GPM6B: variants seen among roughly 807,000 people sequenced by gnomAD.
The protein encoded by GPM6B is neuronal membrane glycoprotein M6-b.
Under a neutral mutation model 27.2 loss-of-function variants are expected in GPM6B, and 4 were observed. The ratio of observed to expected loss-of-function variants is 0.15; its 90% CI spans 0.07 to 0.34. GPM6B has a LOEUF of 0.34. Ranked by LOEUF, GPM6B falls within the 10% of genes least tolerant of loss-of-function variation. The pLI is 1.00. For missense variants in GPM6B, 183 were observed against 261.9 expected, an observed-to-expected ratio of 0.70 and a Z score of 2.08; for synonymous variants, 124 against 103.1, an observed-to-expected ratio of 1.20 and a Z score of -1.23.
chrX:13,920,232 AC>A (rs1017463852), intron 1 of GPM6B, among the ~76,000 whole-genome samples: 1 of 89,743 alleles, frequency 1.1e-5, no homozygotes, highest in African/African-American at 4.3e-5. Flanking sequence ...GGGCCACTGC[AC>A]TCCAGCCTAG....
At chrX:13,858,592 A>G (rs986334151) in intron 1 of GPM6B, among the ~76,000 whole-genome samples, 1 of 111,559 alleles carries the variant, frequency 9.0e-6, no homozygotes, top group African/African-American at 3.3e-5. Context: ...ACAGACCTCA[A>G]AGTCCTCGAG....
At chrX:13,856,137 A>G (rs747957652) in intron 1 of GPM6B, among the ~76,000 whole-genome samples, 15 of 112,050 alleles carry the variant, frequency 1.3e-4, no homozygotes, top group Non-Finnish European at 2.6e-4. Context: ...TTTCTTACAT[A>G]TCATTATTAA....
At chrX:13,842,985 C>G (rs933102602) in intron 1 of GPM6B, among the ~76,000 whole-genome samples, 4 of 110,826 alleles carry the variant, frequency 3.6e-5, no homozygotes, top group Admixed American at 1.9e-4. Context: ...TAATATATTC[C>G]CCCCTTTCCA....
intron 2 of GPM6B, among the ~76,000 whole-genome samples, chrX:13,795,402 T>A: frequency 8.9e-6 from 1 of 111,803 alleles, no homozygotes; most frequent in East Asian, 2.8e-4. Context: ...TTCATAATTA[T>A]CTGCAAAGGC....
rs773748431 is a variant in GPM6B at position 13,876,099 on chromosome X, A to G, written c.-198+62228T>C. ...CGATGAAAAAGACATGCTGAGTTAC[A>G]ACGATGTGTTATGTGGAAAGAAGAG... On this transcript the variant is annotated intron_variant, in intron 1 of 6. Coordinates refer to the GPM6B transcript ENST00000398361. Among the ~76,000 whole-genome samples the G allele has an allele frequency of 3.6e-5, 4 of 112,509 alleles. No individual in the cohort carries two copies. In the South Asian group the frequency reaches 1.5e-3, roughly 42 times the overall value.
At chrX:13,774,425 A>C (rs2048368148) in intron 7 of GPM6B, 2 of 1,134,828 alleles carry the variant, frequency 1.8e-6, no homozygotes, top group African/African-American at 1.8e-5. Flanking sequence ...AGGTGAGTTT[A>C]CTAAAGCTAT....
At chrX:13,938,549 T>A, upstream of GPM6B, 1 of 886,289 alleles carries the variant, frequency 1.1e-6, no homozygotes, top group Non-Finnish European at 1.4e-6. Flanking sequence ...CTGCGGGGCG[T>A]TCGGGCTCCC....
At chrX:13,809,915 CAAAAA>C (rs750794950) in intron 1 of GPM6B, among the ~76,000 whole-genome samples, 1 of 48,296 alleles carries the variant, frequency 2.1e-5, no homozygotes, top group African/African-American at 8.7e-5. Context: ...CCAGCCTGGG[CAAAAA>C]AAAAAAAAAA....
chrX:13,817,567 T>C (rs779499243), upstream of GPM6B, among the ~76,000 whole-genome samples: 73 of 112,508 alleles, frequency 6.5e-4, no homozygotes, highest in Non-Finnish European at 1.1e-3. Flanking sequence ...TTATTTCATT[T>C]ACCCCTCGAC....
intron 1 of GPM6B, among the ~76,000 whole-genome samples, chrX:13,924,596 C>T (rs188429503): frequency 5.3e-5 from 6 of 112,176 alleles, no homozygotes; most frequent in Non-Finnish European, 9.4e-5. Context: ...CCTCCATGCC[C>T]GGCCACAACC....
intron 2 of GPM6B, among the ~76,000 whole-genome samples, chrX:13,788,521 T>C (rs1397430617): frequency 6.4e-5 from 7 of 108,924 alleles, no homozygotes; most frequent in Non-Finnish European, 1.1e-4. Flanking sequence ...CCAGATAAAA[T>C]TGTTCATTAA....
At chrX:13,860,556 G>A (rs922396626) in intron 1 of GPM6B, among the ~76,000 whole-genome samples, 1 of 109,544 alleles carries the variant, frequency 9.1e-6, no homozygotes, top group Non-Finnish European at 1.9e-5. Context: ...ATACTACCAG[G>A]TAACCATTTT....
intron 1 of GPM6B, among the ~76,000 whole-genome samples, chrX:13,854,744 T>C (rs2049760450): frequency 8.9e-6 from 1 of 111,968 alleles, no homozygotes; most frequent in African/African-American, 3.2e-5. Context: ...ATTATATGCA[T>C]TGAAACATCA....
In GPM6B at chrX:13,772,863, A is replaced by C; in HGVS notation, c.*18T>G. 1 of 1,206,865 alleles carries C rather than the reference A, an allele frequency of 8.3e-7. No homozygotes were observed. Among genetic ancestry groups the C allele is most frequent in the Non-Finnish European group, 1.1e-6 (1 of 891,942 alleles). On this transcript the variant is annotated 3_prime_UTR_variant, in exon 8 of 8. Transcript: ENST00000316715. Reference sequence around the variant, plus strand: ...GTCAGAGCTGTAAATACGTCGGCCGAAACACTCTGGCAAACATTTATGTGT... The same window carrying C: ...GTCAGAGCTGTAAATACGTCGGCCGCAACACTCTGGCAAACATTTATGTGT...
chrX:13,781,878 T>C (rs748540043), intron 4 of GPM6B, among the ~76,000 whole-genome samples: 2 of 112,093 alleles, frequency 1.8e-5, no homozygotes, highest in Middle Eastern at 4.6e-3. Context: ...ACTTTCTAAA[T>C]TGGCTGATAC....
At position 13,840,634 on chromosome X, in the gene GPM6B, C is replaced by T. The variant is rs765209397; in HGVS notation, c.-197-54826G>A. 1.4e-3 allele frequency among the ~76,000 whole-genome samples: 154 copies of T among 111,793 alleles called. 4 individuals are homozygous for T. The Middle Eastern group carries it at 0.019, about 14-fold the overall frequency. ...ATCTTCCTTTGTTGTGGCTACATCT[C>T]CATTTCTCCCTGTGATCTATCTGTG... On this transcript the variant is annotated intron_variant, in intron 1 of 6. Transcript: ENST00000398361.
intron 1 of GPM6B, among the ~76,000 whole-genome samples, chrX:13,906,462 T>A (rs772145736): frequency 8.9e-6 from 1 of 112,194 alleles, no homozygotes; most frequent in East Asian, 2.8e-4. Flanking sequence ...TACTGGTCAC[T>A]AAGTATTGGA....
intron 1 of GPM6B, among the ~76,000 whole-genome samples, chrX:13,936,988 CTG>C (rs1251619699): frequency 3.6e-5 from 4 of 112,578 alleles, no homozygotes; most frequent in Non-Finnish European, 7.5e-5. Flanking sequence ...TTGTTCGTAA[CTG>C]TAACATCTTT....
At chrX:13,798,229 G>A (rs1442616367) in intron 2 of GPM6B, among the ~76,000 whole-genome samples, 2 of 110,607 alleles carry the variant, frequency 1.8e-5, no homozygotes, top group Non-Finnish European at 3.8e-5. Flanking sequence ...ACTAAGGATT[G>A]GTGGTGAAAG....
Sources: gnomAD v4.1 joint callset for allele counts (sites outside exome capture counted in the v4.1 genomes callset) on GRCh38, gnomAD v4.1.1 for gene constraint, MANE v1.5 for transcripts, NCBI Gene and HGNC (gene_info 2026-07-23, HGNC 2026-07-21) for gene names.